Variants in FAAH2 observed in about 807,000 individuals in gnomAD.
The protein encoded by FAAH2 is fatty-acid amide hydrolase 2.
Under a neutral mutation model 36.9 loss-of-function variants are expected in FAAH2, and 60 were observed. The observed-to-expected ratio is 1.63, with a 90% CI of 1.32 to 2.02. FAAH2 has a LOEUF of 2.02. FAAH2 is among the 30% of genes most tolerant of loss of function. FAAH2 has a pLI of 0.00. For synonymous variants in FAAH2, 214 were observed against 143.8 expected (o/e 1.49, Z -3.49); for missense variants, 689 against 397.5 (o/e 1.73, Z -6.23).
chrX:57,286,328 A>T (rs1213307089), upstream of FAAH2, among the ~76,000 whole-genome samples: 2 of 112,295 alleles, frequency 1.8e-5, no homozygotes, highest in African/African-American at 3.2e-5. Flanking sequence ...TATACTTACA[A>T]CACTTTTTTC....
At chrX:57,232,811 T>C in the FAAH2 span, among the ~76,000 whole-genome samples, 1 of 112,421 alleles carries the variant, frequency 8.9e-6, no homozygotes, top group African/African-American at 3.2e-5. Context: ...CAAGCACATA[T>C]GCTCATGTGT....
chrX:57,268,015 A>G, the FAAH2 span, among the ~76,000 whole-genome samples: 1 of 112,315 alleles, frequency 8.9e-6, no homozygotes, highest in Non-Finnish European at 1.9e-5. Flanking sequence ...GGCTGAAATG[A>G]CAAGTACAAT....
chrX:57,375,192 T>C (rs924044718), intron 5 of FAAH2, among the ~76,000 whole-genome samples: 1 of 109,596 alleles, frequency 9.1e-6, no homozygotes, highest in Non-Finnish European at 1.9e-5. Context: ...TTTTTGTTGA[T>C]GTTATGTCCT....
At chrX:57,468,237 G>A (rs920199216) in intron 10 of FAAH2, among the ~76,000 whole-genome samples, 2 of 112,021 alleles carry the variant, frequency 1.8e-5, no homozygotes, top group Non-Finnish European at 3.8e-5. Flanking sequence ...ATGGAACAAA[G>A]CTGGATGGAG....
the FAAH2 span, among the ~76,000 whole-genome samples, chrX:57,227,879 A>G: frequency 1.8e-5 from 2 of 111,068 alleles, no homozygotes; most frequent in African/African-American, 6.6e-5. Context: ...ACCAAGGCAG[A>G]TTATGGCTGC....
At chrX:57,372,981 T>C (rs1360857521) in intron 5 of FAAH2, among the ~76,000 whole-genome samples, 3 of 111,370 alleles carry the variant, frequency 2.7e-5, no homozygotes, top group Non-Finnish European at 5.7e-5. Flanking sequence ...AATGTTTGGT[T>C]TTTCATTCCT....
chrX:57,288,338 CTTTTTTTTTTT>C (rs771871081), intron 1 of FAAH2, among the ~76,000 whole-genome samples: 8 of 40,363 alleles, frequency 2.0e-4, no homozygotes, highest in Non-Finnish European at 3.2e-4. Flanking sequence ...AAAAACATTT[CTTTTTTTTTTT>C]TTTTTTTTTT....
At chrX:57,304,857 T>G (rs145688737) in intron 2 of FAAH2, among the ~76,000 whole-genome samples, 2 of 111,621 alleles carry the variant, frequency 1.8e-5, no homozygotes, top group African/African-American at 3.3e-5. Context: ...ATGGAACAAC[T>G]TAATGAATTT....
intron 4 of FAAH2, among the ~76,000 whole-genome samples, chrX:57,340,241 C>T (rs2147050769): frequency 8.9e-6 from 1 of 111,856 alleles, no homozygotes; most frequent in South Asian, 3.7e-4. Flanking sequence ...AGCAACTCTG[C>T]TCTTTCCAAT....
chrX:57,180,921 A>G, the FAAH2 span, among the ~76,000 whole-genome samples: 1 of 111,847 alleles, frequency 8.9e-6, no homozygotes, highest in Non-Finnish European at 1.9e-5. Flanking sequence ...CCTGCAACAC[A>G]TCAAAAAAAT....
chrX:57,445,749 A>T (rs2056660463), intron 8 of FAAH2, among the ~76,000 whole-genome samples: 2 of 112,619 alleles, frequency 1.8e-5, no homozygotes, highest in Non-Finnish European at 3.8e-5. Context: ...CCAAAGCCAC[A>T]GAAGTCTCTT....
chrX:57,259,557 T>C, the FAAH2 span, among the ~76,000 whole-genome samples: 1 of 112,058 alleles, frequency 8.9e-6, no homozygotes, highest in Non-Finnish European at 1.9e-5. Flanking sequence ...TGTTTCCACT[T>C]ATATGTGAAA....
At chrX:57,333,943 C>G (rs779697159) in intron 4 of FAAH2, among the ~76,000 whole-genome samples, 1 of 111,226 alleles carries the variant, frequency 9.0e-6, no homozygotes, top group African/African-American at 3.3e-5. Flanking sequence ...GAGAAACATA[C>G]CTTATCTGTA....
At chrX:57,472,056 C>G (rs751961874) in intron 10 of FAAH2, among the ~76,000 whole-genome samples, 1 of 112,179 alleles carries the variant, frequency 8.9e-6, no homozygotes, top group Non-Finnish European at 1.9e-5. Context: ...AAAGCTGAAA[C>G]TGGATCCCTT....
In FAAH2 at chrX:57,406,956, C is replaced by T. The variant is rs189471498; in HGVS notation, c.997-24962C>T. Among the ~76,000 whole-genome samples the T allele has an allele frequency of 1.9e-3, 211 of 112,698 alleles. 1 individual carries two copies. Among genetic ancestry groups the T allele is most frequent in the Non-Finnish European group, 2.5e-3 (134 of 53,312 alleles). ...AATAGATGGGGTGGCAGGAGGTGAT[C>T]TCTCTACATTTGTTGCCAGTCACTA... On this transcript the variant is annotated intron_variant, in intron 7 of 10. Transcript: ENST00000374900.
chrX:57,239,249 G>T, the FAAH2 span, among the ~76,000 whole-genome samples: 2 of 110,839 alleles, frequency 1.8e-5, no homozygotes, highest in Non-Finnish European at 3.8e-5. Context: ...TGGTTGGTAG[G>T]TTTTTCATTA....
intron 7 of FAAH2, among the ~76,000 whole-genome samples, chrX:57,406,192 C>T (rs1355382576): frequency 1.8e-5 from 2 of 111,883 alleles, no homozygotes; most frequent in African/African-American, 6.5e-5. Context: ...GTGCCAAGGG[C>T]TCTGTATGAG....
chrX:57,202,581 G>T, the FAAH2 span, among the ~76,000 whole-genome samples: 4 of 111,815 alleles, frequency 3.6e-5, no homozygotes, highest in Non-Finnish European at 1.9e-5. Flanking sequence ...CATGGGGACA[G>T]AACTGAGCCC....
the FAAH2 span, among the ~76,000 whole-genome samples, chrX:57,254,010 G>T: frequency 1.8e-5 from 2 of 110,841 alleles, no homozygotes; most frequent in African/African-American, 6.6e-5. Context: ...AAAGAGTGAA[G>T]ACCCATTGGT....
Sources: allele counts gnomAD v4.1 joint callset (sites outside exome capture counted in the v4.1 genomes callset), GRCh38; gene constraint gnomAD v4.1.1; transcripts MANE v1.5; gene names NCBI Gene and HGNC (gene_info 2026-07-23, HGNC 2026-07-21).